Variants in STK38 observed in about 807,000 individuals in gnomAD.
STK38 encodes the protein serine/threonine kinase 38.
A neutral mutation model predicts 59.0 loss-of-function variants in STK38; 26 were observed. That is an observed-to-expected ratio of 0.44 (90% confidence interval 0.32 to 0.61). STK38 has a LOEUF of 0.61. Among genes scored for constraint, STK38 ranks in the 20% least tolerant of loss-of-function variants. The pLI, the probability that STK38 is intolerant of heterozygous loss-of-function variation, is 0.04. For synonymous variants in STK38, 175 were observed against 176.6 expected (o/e 0.99, Z 0.07); for missense variants, 433 against 566.0 (o/e 0.76, Z 2.38).
At chr6:36,527,319 C>CAT (rs1777553535) in intron 2 of STK38, among the ~76,000 whole-genome samples, 3 of 84,680 alleles carry the variant, frequency 3.5e-5, no homozygotes, top group African/African-American at 1.6e-4. Context: ...TATATATACA[C>CAT]ACATATATAT....
chr6:36,510,012 G>T (rs546706896), intron 7 of STK38, among the ~76,000 whole-genome samples: 1 of 152,140 alleles, frequency 6.6e-6, no homozygotes, highest in Non-Finnish European at 1.5e-5. Context: ...AAAAACCACC[G>T]CAAGTTCTTA....
intron 7 of STK38, among the ~76,000 whole-genome samples, chr6:36,510,827 G>A (rs796728919): frequency 7.2e-5 from 11 of 152,274 alleles, no homozygotes; most frequent in African/African-American, 2.6e-4. Context: ...ATCAGCCCAT[G>A]CTCTTCCTCC....
At chr6:36,536,620 G>A (rs1374801900) in intron 2 of STK38, among the ~76,000 whole-genome samples, 2 of 151,866 alleles carry the variant, frequency 1.3e-5, no homozygotes, top group African/African-American at 4.8e-5. Context: ...CACAAACTCC[G>A]CCTCCTGGGT....
intron 9 of STK38, among the ~76,000 whole-genome samples, chr6:36,502,208 T>C (rs994294281): frequency 1.3e-5 from 2 of 152,138 alleles, no homozygotes; most frequent in Admixed American, 1.3e-4. Context: ...AGTGGTATGA[T>C]CATAGCTCAC....
intron 7 of STK38, among the ~76,000 whole-genome samples, chr6:36,512,537 C>T (rs1197539996): frequency 6.6e-6 from 1 of 152,164 alleles, no homozygotes; most frequent in Non-Finnish European, 1.5e-5. Context: ...TTAATGTTTA[C>T]ACAGAATACA....
At chr6:36,523,262 T>TAATAATATAC in intron 4 of STK38, among the ~76,000 whole-genome samples, 2 of 150,674 alleles carry the variant, frequency 1.3e-5, no homozygotes, top group Admixed American at 6.6e-5. Flanking sequence ...TACCAGGTTT[T>TAATAATATAC]TTGTTTTTTT....
chr6:36,527,128 G>A (rs1163491049), intron 2 of STK38, among the ~76,000 whole-genome samples: 1 of 145,400 alleles, frequency 6.9e-6, no homozygotes, highest in Non-Finnish European at 1.5e-5. Flanking sequence ...GGAGGCAGAG[G>A]TTGCAGTGAG....
chr6:36,508,562 T>C (rs1777023923), intron 7 of STK38, among the ~76,000 whole-genome samples: 1 of 152,248 alleles, frequency 6.6e-6, no homozygotes, highest in Non-Finnish European at 1.5e-5. Context: ...GGATAGTCCT[T>C]GATAAATGCT....
intron 11 of STK38, 124 bp downstream of exon 11, chr6:36,498,228 AGCCTTTTTATT>A: frequency 7.9e-7 from 1 of 1,267,664 alleles, no homozygotes; most frequent in South Asian, 1.5e-5. Flanking sequence ...CACCATGCAC[AGCCTTTTTATT>A]TGTTTAAAGA....
At chr6:36,517,633 G>C in intron 6 of STK38, 84 bp downstream of exon 6, 1 of 1,539,114 alleles carries the variant, frequency 6.5e-7, no homozygotes, top group Non-Finnish European at 8.8e-7. Flanking sequence ...ACATTTAAAA[G>C]TAGAAAGGAG....
chr6:36,518,168 C>T (rs1327927751), intron 5 of STK38, among the ~76,000 whole-genome samples: 3 of 152,182 alleles, frequency 2.0e-5, no homozygotes, highest in African/African-American at 4.8e-5. Context: ...AGAGTTTTGT[C>T]TAATAATCTT....
intron 4 of STK38, among the ~76,000 whole-genome samples, chr6:36,523,234 A>T (rs80033272): frequency 1.3e-5 from 2 of 150,738 alleles, no homozygotes; most frequent in African/African-American, 4.9e-5. Context: ...TCTGAATACT[A>T]TTCACATTTC....
intron 1 of STK38, among the ~76,000 whole-genome samples, chr6:36,541,429 A>G (rs189176499): frequency 1.4e-3 from 213 of 152,304 alleles, no homozygotes; most frequent in African/African-American, 4.9e-3. Flanking sequence ...ATACAGTACA[A>G]TTCTTTGCCA....
intron 7 of STK38, among the ~76,000 whole-genome samples, chr6:36,511,132 T>C (rs1299568024): frequency 6.6e-6 from 1 of 152,206 alleles, no homozygotes; most frequent in Non-Finnish European, 1.5e-5. Flanking sequence ...GTCTGTGGTC[T>C]TTCCAGAATA....
At chr6:36,541,831 CTTT>C (rs58320889) in intron 1 of STK38, among the ~76,000 whole-genome samples, 10 of 135,908 alleles carry the variant, frequency 7.4e-5, no homozygotes, top group Admixed American at 1.5e-4. Context: ...TTTTCTTTTT[CTTT>C]TTTTTTTTTT....
chr6:36,529,041 T>G (rs1777605303), intron 2 of STK38, among the ~76,000 whole-genome samples: 1 of 151,978 alleles, frequency 6.6e-6, no homozygotes, highest in South Asian at 2.1e-4. Flanking sequence ...ATGATAACAA[T>G]TAGGACCAGG....
chr6:36,497,012 A>C (rs1404383043), intron 12 of STK38, among the ~76,000 whole-genome samples: 1 of 152,228 alleles, frequency 6.6e-6, no homozygotes, highest in African/African-American at 2.4e-5. Context: ...TAAAAAAATA[A>C]CTCAATCATT....
intron 9 of STK38, among the ~76,000 whole-genome samples, chr6:36,501,397 A>C (rs563032984): frequency 6.6e-6 from 1 of 152,312 alleles, no homozygotes; most frequent in Non-Finnish European, 1.5e-5. Flanking sequence ...TGCTTTAAAT[A>C]TTATATAATT....
intron 2 of STK38, among the ~76,000 whole-genome samples, chr6:36,530,533 T>G (rs2127485535): frequency 6.6e-6 from 1 of 151,152 alleles, no homozygotes; most frequent in East Asian, 2.0e-4. Context: ...CCCAGCTAAT[T>G]TTTGTATTTT....
Sources: allele counts gnomAD v4.1 joint callset (sites outside exome capture counted in the v4.1 genomes callset), GRCh38; gene constraint gnomAD v4.1.1; transcripts MANE v1.5; gene names NCBI Gene and HGNC (gene_info 2026-07-23, HGNC 2026-07-21).